A2ML1: variants seen among roughly 807,000 people sequenced by gnomAD.
A2ML1 encodes the protein alpha-2-macroglobulin like 1.
In A2ML1, 161 loss-of-function variants were observed where a neutral mutation model predicts 181.9. The ratio of observed to expected loss-of-function variants is 0.89; its 90% CI spans 0.78 to 1.01. The LOEUF (loss-of-function observed/expected upper bound fraction) is 1.01. Ranked by LOEUF, A2ML1 falls within the 50% of genes least tolerant of loss-of-function variation. The probability of loss-of-function intolerance (pLI) is 0.00; values close to 1 mark genes in which losing one functional copy is unlikely to be tolerated. For synonymous variants in A2ML1, 663 were observed against 666.8 expected, an observed-to-expected ratio of 0.99 and a Z score of 0.09; for missense variants, 1,670 against 1,768.1, an observed-to-expected ratio of 0.94 and a Z score of 1.00.
intron 7 of A2ML1, among the ~76,000 whole-genome samples, chr12:8,884,231 G>GTTTTTTTTTTTTTTTTTTTTTTTTTTTTT (rs796251871): frequency 2.5e-5 from 3 of 121,562 alleles, no homozygotes; most frequent in Non-Finnish European, 3.5e-5. Flanking sequence ...TTTATTTTTT[G>GTTTTTTTTTTTTTTTTTTTTTTTTTTTTT]TTTTTTTTTG....
chr12:8,881,460 ACTTT>A (rs1422142914), downstream of A2ML1, among the ~76,000 whole-genome samples: 8 of 152,202 alleles, frequency 5.3e-5, no homozygotes, highest in African/African-American at 1.9e-4. Context: ...GTTGGTGCTG[ACTTT>A]CTGTCTCTTG....
At chr12:8,839,412 C>A (rs1457623384) in intron 10 of A2ML1, among the ~76,000 whole-genome samples, 190 bp downstream of exon 10, 1 of 152,148 alleles carries the variant, frequency 6.6e-6, no homozygotes, top group Non-Finnish European at 1.5e-5. Context: ...CTGAGACAGG[C>A]AACAGAGGCT....
chr12:8,868,235 G>A lies in A2ML1; in HGVS notation c.3939G>A (p.Val1313=). ...TACCTATTTCTTCCTACCAGACGGT[G>A]TTGAGATACAATATTCTCCCTCCCA... The part of the protein sequence containing the change: ...SGQGCVYVQT[V]LRYNILPPTN... The change falls in exon 31 of 36, where the codon GTG becomes GTA. Residue 1313 remains valine, a synonymous_variant. Transcript: ENST00000299698. The A allele has an allele frequency of 1.9e-6, 3 of 1,614,016 alleles. No homozygotes were observed. The highest frequency in any genetic ancestry group is 2.5e-6 in the Non-Finnish European group (3 of 1,180,018).
chr12:8,851,861 C>G lies in A2ML1; in HGVS notation c.2312C>G (p.Ser771Cys), dbSNP rs751048962. Residue 771 changes from serine to cysteine, a missense_variant, in exon 19 of 36, where the codon TCC becomes TGC. Transcript: ENST00000299698. Reference protein sequence around the residue: ...TEWKAMSFCTSQSRGFGLSPT... With the variant: ...TEWKAMSFCTCQSRGFGLSPT... ...TGGAAGGCGATGAGTTTCTGCACTT[C>G]CCAGTCAAGAGGCTTCGGGCTTTCA... 6.2e-7 allele frequency: 1 copy of G among 1,614,210 alleles called. No individual in the cohort carries two copies. Among genetic ancestry groups the G allele is most frequent in the Non-Finnish European group, 8.5e-7 (1 of 1,180,032 alleles).
chr12:8,878,636 CT>C (rs371400410), downstream of A2ML1, among the ~76,000 whole-genome samples: 21 of 152,290 alleles, frequency 1.4e-4, no homozygotes, highest in African/African-American at 4.6e-4. The surrounding 1 kb of genome is among the most constrained non-coding windows in gnomAD (Gnocchi z 4.4). Flanking sequence ...TATTTACCCC[CT>C]GAATCTAAAC....
At chr12:8,838,517 T>A in intron 9 of A2ML1, 67 bp downstream of exon 9, 1 of 1,246,938 alleles carries the variant, frequency 8.0e-7, no homozygotes, top group African/African-American at 1.5e-5. Context: ...AGGGACAGAT[T>A]TACTCCAAGT....
intron 3 of A2ML1, among the ~76,000 whole-genome samples, chr12:8,828,418 C>T (rs1294070275): frequency 6.6e-6 from 1 of 152,108 alleles, no homozygotes; most frequent in African/African-American, 2.4e-5. Flanking sequence ...TGGATACTTC[C>T]AGTATTCTCT....
At position 8,824,222 on chromosome 12, in the gene A2ML1, GTTTTTTTTT is replaced by G. The variant is rs34400836; in HGVS notation, c.409+359_409+367del. Among the ~76,000 whole-genome samples, 5 of 92,310 alleles carry G rather than the reference GTTTTTTTTT, an allele frequency of 5.4e-5. No homozygotes were observed. In the East Asian group the frequency reaches 1.0e-3, roughly 19 times the overall value. The allele number at this position is 92,310 out of a possible 152,430, so 60.6% of individuals were successfully genotyped here. ...AGGGCATTTGGCTTGAGCTACTGGG[GTTTTTTTTT>G]TTTTTTTTTTTTTTTTTTGTATTTG... On this transcript the variant is annotated intron_variant, in intron 3 of 35. Coordinates refer to ENST00000299698, the MANE Select transcript of A2ML1 (RefSeq NM_144670.6).
chr12:8,854,705 C>T, intron 21 of A2ML1, 75 bp from the exon 22 acceptor site: 1 of 1,544,770 alleles, frequency 6.5e-7, no homozygotes, highest in Non-Finnish European at 8.9e-7. Context: ...GAGGGGCCTC[C>T]CTTCCCTTTC....
chr12:8,848,358 G>A lies in A2ML1; in HGVS notation c.1834-362G>A, dbSNP rs1306808740. Reference sequence around the variant, plus strand: ...TAGCCAGGCATGGTGGCGCATGCCTGTAATCCCAACTACTCAGGAGGCTGA... The same window carrying A: ...TAGCCAGGCATGGTGGCGCATGCCTATAATCCCAACTACTCAGGAGGCTGA... On this transcript the variant is annotated intron_variant, in intron 15 of 35. Coordinates refer to ENST00000299698, the MANE Select transcript of A2ML1 (RefSeq NM_144670.6). 6.6e-5 allele frequency among the ~76,000 whole-genome samples: 10 copies of A among 151,454 alleles called. No individual in the cohort carries two copies. In the East Asian group the frequency reaches 1.8e-3, roughly 27 times the overall value.
intron 20 of A2ML1, 97 bp from the exon 21 acceptor site, chr12:8,854,031 C>G: frequency 7.1e-7 from 1 of 1,404,922 alleles, no homozygotes; most frequent in Non-Finnish European, 9.4e-7. Flanking sequence ...GTTGCAAGAT[C>G]CCCATTAAAG....
chr12:8,853,174 C>A (rs1415696008), intron 20 of A2ML1, among the ~76,000 whole-genome samples: 1 of 151,466 alleles, frequency 6.6e-6, no homozygotes, highest in Non-Finnish European at 1.5e-5. Context: ...ATTCAGTTGG[C>A]AGAGAAGCGG....
chr12:8,868,026 A>G lies in A2ML1; in HGVS notation c.3902A>G (p.Glu1301Gly), dbSNP rs765509456. The G allele has an allele frequency of 1.9e-6, 3 of 1,614,270 alleles. No homozygotes were observed. ...AATGTCCCTGGAATGTACACGTTGG[A>G]GGCCTCAGGCCAGGGCTGTGTCTAT... is the stretch of plus-strand genomic sequence containing the variant. ...LPNVPGMYTLEASGQGCVYVQ... is the reference protein window; with the variant it reads ...LPNVPGMYTLGASGQGCVYVQ... The change falls in exon 30 of 36, where the codon GAG (glutamate) becomes GGG (glycine). Residue 1301 changes from glutamate (E) to glycine (G), a missense_variant. Transcript: ENST00000299698.
intron 13 of A2ML1, 21 bp downstream of exon 13, chr12:8,845,523 C>T (rs778098265): frequency 1.4e-5 from 22 of 1,613,220 alleles, no homozygotes; most frequent in Admixed American, 1.7e-5. Flanking sequence ...ATGCTTTTCC[C>T]GGAAGCAAAC....
intron 14 of A2ML1, among the ~76,000 whole-genome samples, chr12:8,846,547 A>C (rs970251045): frequency 1.3e-5 from 2 of 151,994 alleles, no homozygotes; most frequent in African/African-American, 4.8e-5. Context: ...TGTACAAAAA[A>C]ATTTTTAATT....
intron 18 of A2ML1, 112 bp downstream of exon 18, chr12:8,850,386 A>T: frequency 1.5e-6 from 1 of 665,118 alleles, no homozygotes; most frequent in Non-Finnish European, 2.4e-6. Flanking sequence ...GGAGTTCAAG[A>T]CCAGCCTGGG....
chr12:8,845,894 A>T (rs371001935), intron 13 of A2ML1, among the ~76,000 whole-genome samples, 183 bp from the exon 14 acceptor site: 3 of 87,044 alleles, frequency 3.4e-5, no homozygotes, highest in African/African-American at 6.8e-5. Flanking sequence ...TAAAATAAAA[A>T]AATTCTTATC....
At chr12:8,849,249 C>T (rs1386118319) in intron 16 of A2ML1, among the ~76,000 whole-genome samples, 2 of 151,954 alleles carry the variant, frequency 1.3e-5, no homozygotes, top group South Asian at 2.1e-4. Context: ...GCTGTGTGAC[C>T]CAAGTCTGAC....
chr12:8,879,267 G>A (rs1222373240), downstream of A2ML1, among the ~76,000 whole-genome samples: 5 of 151,986 alleles, frequency 3.3e-5, no homozygotes, highest in African/African-American at 9.7e-5. Flanking sequence ...TTAGGCGGGC[G>A]GATCACTAGA....
Sources: gnomAD v4.1 joint callset for allele counts (sites outside exome capture counted in the v4.1 genomes callset) on GRCh38, gnomAD v4.1.1 for gene constraint, Gnocchi (gnomAD v3.1) non-coding constraint, MANE v1.5 for transcripts, NCBI Gene and HGNC (gene_info 2026-07-23, HGNC 2026-07-21) for gene names.